GAN: variants seen among roughly 807,000 people sequenced by gnomAD.
GAN encodes the protein gigaxonin.
GAN carries 48 observed loss-of-function variants against 71.3 expected under a neutral mutation model. The observed-to-expected ratio is 0.67, with a 90% confidence interval of 0.53 to 0.86. The LOEUF is 0.86. Ranked by LOEUF, GAN falls within the 40% of genes least tolerant of loss-of-function variation. The pLI is 0.00. For synonymous variants in GAN, 386 were observed against 276.8 expected, an observed-to-expected ratio of 1.39 and a Z score of -3.92; for missense variants, 928 against 770.1, an observed-to-expected ratio of 1.21 and a Z score of -2.43.
chr16:81,363,826 T>C lies in GAN; in HGVS notation c.1119T>C (p.Asp373=). ...ARHNFGIVEI[D]GMLYILGGED... The stretch of plus-strand genomic sequence containing the variant: ...ATAACTTCGGAATTGTGGAGATAGA[T>C]GGGATGCTGTACATTTTGGGAGGAG... The change falls in exon 7 of 11, where the codon GAT becomes GAC. Residue 373 remains aspartate (D), a synonymous_variant. Coordinates refer to ENST00000648994, the MANE Select transcript of GAN (RefSeq NM_022041.4). The C allele has an allele frequency of 6.2e-7, 1 of 1,613,188 alleles. No homozygotes were observed. The highest frequency in any genetic ancestry group is 8.5e-7 in the Non-Finnish European group (1 of 1,179,140).
chr16:81,377,847 G>A lies in GAN; in HGVS notation c.*251G>A. On this transcript the variant is annotated 3_prime_UTR_variant, in exon 11 of 11. Coordinates refer to ENST00000648994, the MANE Select transcript of GAN (RefSeq NM_022041.4). ...GGCTGTAGATGTTGGAGGCTAGGGAGGCTAGTAAATATCAAAAGGAAAAGG... is the reference window on the plus strand; with the variant it reads ...GGCTGTAGATGTTGGAGGCTAGGGAAGCTAGTAAATATCAAAAGGAAAAGG... 1.9e-6 allele frequency: 1 copy of A among 536,200 alleles called. No individual in the cohort carries two copies. The highest frequency in any genetic ancestry group is 3.3e-6 in the Non-Finnish European group (1 of 298,594). The allele number at this position is 536,200 out of a possible 1,614,324, so 33.2% of individuals were successfully genotyped here. A position where few individuals can be genotyped will look rare whatever the true frequency, so the allele number is the denominator to read the frequency against.
intron 5 of GAN, 28 bp downstream of exon 5, chr16:81,357,959 A>C (rs1248034649): frequency 2.5e-6 from 4 of 1,596,416 alleles, no homozygotes; most frequent in Non-Finnish European, 1.7e-6. Context: ...ATTTTCCTTA[A>C]ACAGCAGATC....
chr16:81,354,290 C>T (rs1004561800), intron 2 of GAN, 115 bp from the exon 3 acceptor site: 10 of 746,210 alleles, frequency 1.3e-5, no homozygotes, highest in Middle Eastern at 2.6e-4. Flanking sequence ...TGCCAATATT[C>T]GATTATCTTT....
intron 1 of GAN, among the ~76,000 whole-genome samples, chr16:81,350,323 C>T (rs77198259): frequency 0.012 from 1,874 of 152,202 alleles, 39 homozygotes; most frequent in African/African-American, 0.043. Context: ...ATATTTCACT[C>T]ATTCAATTGA....
intron 9 of GAN, among the ~76,000 whole-genome samples, chr16:81,376,800 C>A (rs1369913940): frequency 1.3e-5 from 2 of 152,034 alleles, no homozygotes; most frequent in East Asian, 3.9e-4. Context: ...ATCACCTGAA[C>A]TGGTAGGTTG....
chr16:81,315,145 A>G lies in GAN; in HGVS notation c.32A>G (p.Gln11Arg), dbSNP rs769864297. 3 of 1,538,264 alleles carry G rather than the reference A, an allele frequency of 2.0e-6. No individual in the cohort carries two copies. Among genetic ancestry groups the G allele is most frequent in the Non-Finnish European group, 2.6e-6 (3 of 1,144,202 alleles). Reference sequence around the variant, plus strand: ...GAGGGCAGTGCCGTGTCTGACCCTCAGCACGCCGCGCGTCTGCTGCGAGCG... The same window carrying G: ...GAGGGCAGTGCCGTGTCTGACCCTCGGCACGCCGCGCGTCTGCTGCGAGCG... MAEGSAVSDP[Q>R]HAARLLRALS... Residue 11 changes from glutamine (Q) to arginine (R), a missense_variant, in exon 1 of 11, where the codon CAG (glutamine) becomes CGG (arginine). Transcript: ENST00000648994.
intron 9 of GAN, among the ~76,000 whole-genome samples, chr16:81,366,394 T>C (rs956947587): frequency 6.6e-6 from 1 of 152,238 alleles, no homozygotes; most frequent in African/African-American, 2.4e-5. Flanking sequence ...CTTCTCGATG[T>C]CTTCTCTCTT....
chr16:81,340,899 G>C (rs1820260), intron 1 of GAN, among the ~76,000 whole-genome samples: 60,255 of 151,564 alleles, frequency 0.4, 12,723 homozygotes, highest in Middle Eastern at 0.52. Flanking sequence ...CGTTCAAAAA[G>C]GGTTAGACAA....
At chr16:81,358,543 A>C (rs1015053874) in intron 5 of GAN, among the ~76,000 whole-genome samples, 1 of 152,012 alleles carries the variant, frequency 6.6e-6, no homozygotes, top group African/African-American at 2.4e-5. Flanking sequence ...CAGGAGATCG[A>C]GACTGCTGTG....
chr16:81,373,362 A>C lies in GAN; in HGVS notation c.1503-3857A>C, dbSNP rs141182268. Reference sequence around the variant, plus strand: ...CTATGCCTGTTAGCTATTAACAGACAATTGTTCATTTACATTACCCTGAGG... The same window carrying C: ...CTATGCCTGTTAGCTATTAACAGACCATTGTTCATTTACATTACCCTGAGG... On this transcript the variant is annotated intron_variant, in intron 9 of 10. Transcript: ENST00000648994. Among the ~76,000 whole-genome samples, 332 of 152,342 alleles carry C rather than the reference A, an allele frequency of 2.2e-3. 2 individuals are homozygous for C. Among genetic ancestry groups the C allele is most frequent in the African/African-American group, 7.6e-3 (317 of 41,586 alleles).
Position 81,350,882 on chromosome 16 carries a change from C to A in GAN, c.168-701C>A, listed in dbSNP as rs550714196. Among the ~76,000 whole-genome samples, 27 of 152,288 alleles carry A rather than the reference C, an allele frequency of 1.8e-4. No individual in the cohort carries two copies. In the South Asian group the frequency reaches 5.0e-3, roughly 28 times the overall value. ...ATAATAGTCATAGCATCACAGTTTG[C>A]AATATCGAAAACCTGGAGACAACCC... is the stretch of plus-strand genomic sequence containing the variant. On this transcript the variant is annotated intron_variant, in intron 1 of 10. Coordinates refer to ENST00000648994, the MANE Select transcript of GAN (RefSeq NM_022041.4).
rs1904403146 is a variant in GAN at position 81,386,416 on chromosome 16, CGTGCATGTGTGTTT to C, written c.*8831_*8844del. The C allele has an allele frequency of 6.6e-6, 1 of 152,094 alleles. No individual in the cohort carries two copies. The highest frequency in any genetic ancestry group is 2.1e-4 in the South Asian group (1 of 4,820). 9.4% of individuals were successfully genotyped at this position (152,094 alleles called of 1,614,324 possible). On this transcript the variant is annotated 3_prime_UTR_variant, in exon 11 of 11. Coordinates refer to ENST00000648994, the MANE Select transcript of GAN (RefSeq NM_022041.4). ...TATGTGTTACAAGTACTTGTGTGTA[CGTGCATGTGTGTTT>C]GTGCATGTGTCTGTGTGTGTGGAAC...
At chr16:81,371,016 T>A (rs1304515314) in intron 9 of GAN, among the ~76,000 whole-genome samples, 1 of 152,220 alleles carries the variant, frequency 6.6e-6, no homozygotes, top group Non-Finnish European at 1.5e-5. Context: ...GCAGTATCAT[T>A]TTTCCTTCTT....
intron 9 of GAN, among the ~76,000 whole-genome samples, chr16:81,368,338 C>G (rs1360448149): frequency 6.6e-6 from 1 of 152,202 alleles, no homozygotes; most frequent in African/African-American, 2.4e-5. Flanking sequence ...GTGGCTGACA[C>G]CTATAATCCC....
At chr16:81,368,107 A>G (rs1216936100) in intron 9 of GAN, among the ~76,000 whole-genome samples, 3 of 152,228 alleles carry the variant, frequency 2.0e-5, no homozygotes, top group African/African-American at 7.2e-5. Flanking sequence ...TTTCTGGGAA[A>G]AAAGCCATAT....
chr16:81,382,813 T>A lies in GAN; in HGVS notation c.*5217T>A, dbSNP rs896292487. 6.6e-6 allele frequency: 1 copy of A among 152,218 alleles called. No individual in the cohort carries two copies. Among genetic ancestry groups the A allele is most frequent in the Non-Finnish European group, 1.5e-5 (1 of 68,040 alleles). 9.4% of individuals were successfully genotyped at this position (152,218 alleles called of 1,614,324 possible). ...TGGTAAAACTTGGTAAAGTTTTGTGTTTTTCAGAAGGAACCCTATTATTAT... is the reference window on the plus strand; with the variant it reads ...TGGTAAAACTTGGTAAAGTTTTGTGATTTTCAGAAGGAACCCTATTATTAT... On this transcript the variant is annotated 3_prime_UTR_variant, in exon 11 of 11. Transcript: ENST00000648994.
Position 81,386,587 on chromosome 16 carries a change from G to A in GAN, c.*8991G>A, listed in dbSNP as rs1273503611. ...ACTGGCAGAGGTAGGAGTATATAATGTGCTCAGCTTGTCTTGATTTCAATA... is the reference window on the plus strand; with the variant it reads ...ACTGGCAGAGGTAGGAGTATATAATATGCTCAGCTTGTCTTGATTTCAATA... On this transcript the variant is annotated 3_prime_UTR_variant, in exon 11 of 11. Transcript: ENST00000648994. 1.3e-5 allele frequency: 2 copies of A among 152,214 alleles called. No homozygotes were observed. The highest frequency in any genetic ancestry group is 2.9e-5 in the Non-Finnish European group (2 of 68,052). The allele number at this position is 152,214 out of a possible 1,614,324, so 9.4% of individuals were successfully genotyped here.
Position 81,378,367 on chromosome 16 carries a change from G to C in GAN, c.*771G>C, listed in dbSNP as rs1904289391. On this transcript the variant is annotated 3_prime_UTR_variant, in exon 11 of 11. Coordinates refer to ENST00000648994, the MANE Select transcript of GAN (RefSeq NM_022041.4). ...GGTAGTACCTGTGGAGCCGGGAAGG[G>C]TCTCCTGCAGTGCCATTCTGCCTTC... The C allele has an allele frequency of 2.0e-5, 3 of 152,266 alleles. No individual in the cohort carries two copies. 9.4% of individuals were successfully genotyped at this position (152,266 alleles called of 1,614,324 possible).
chr16:81,341,026 C>G (rs920821102), intron 1 of GAN, among the ~76,000 whole-genome samples: 1 of 151,132 alleles, frequency 6.6e-6, no homozygotes, highest in Non-Finnish European at 1.5e-5. Flanking sequence ...TTCGATCAAG[C>G]AGAAGAAAGG....
Sources: gnomAD v4.1 joint callset for allele counts (sites outside exome capture counted in the v4.1 genomes callset) on GRCh38, gnomAD v4.1.1 for gene constraint, MANE v1.5 for transcripts, NCBI Gene and HGNC (gene_info 2026-07-23, HGNC 2026-07-21) for gene names.